NT5DC1: variants seen among roughly 807,000 people sequenced by gnomAD.
NT5DC1 encodes 5'-nucleotidase domain containing 1.
In NT5DC1, 42 loss-of-function variants were observed where a neutral mutation model predicts 59.4. The observed-to-expected ratio is 0.71, with a 90% CI of 0.55 to 0.92. The LOEUF is 0.92. Among genes scored for constraint, NT5DC1 ranks in the 40% least tolerant of loss-of-function variants. The pLI is 0.00. For missense variants in NT5DC1, 501 were observed against 537.1 expected (o/e 0.93, Z 0.66); for synonymous variants, 172 against 188.1 (o/e 0.91, Z 0.70).
rs200158849 is a variant in NT5DC1, at chr6:116,115,750, G to A, written c.424G>A (p.Val142Met). Residue 142 changes from valine (V) to methionine (M), a missense_variant, in exon 5 of 12, where the codon GTG becomes ATG. Coordinates refer to ENST00000319550, the MANE Select transcript of NT5DC1 (RefSeq NM_152729.3). ...DLPGALLCAR[V>M]VDYLTKLNNG... ...GCCAGGAGCTCTTCTGTGTGCCAGG[G>A]TGGTGGACTATTTAACAAAAGTAAG... is the stretch of plus-strand genomic sequence containing the variant. The A allele has an allele frequency of 6.3e-6, 10 of 1,590,528 alleles. No homozygotes were observed. The highest frequency in any genetic ancestry group is 8.6e-6 in the Non-Finnish European group (10 of 1,158,822).
chr6:116,175,840 C>T (rs913320504), intron 6 of NT5DC1, among the ~76,000 whole-genome samples: 1 of 152,154 alleles, frequency 6.6e-6, no homozygotes, highest in Non-Finnish European at 1.5e-5. Context: ...GATCCTTTAA[C>T]AGTTCAATCT....
At chr6:116,104,629 TTTTTGTTTTG>T (rs542849809) in intron 1 of NT5DC1, among the ~76,000 whole-genome samples, 3 of 152,138 alleles carry the variant, frequency 2.0e-5, no homozygotes, top group Non-Finnish European at 4.4e-5. Flanking sequence ...GTTTTCTGTT[TTTTTGTTTTG>T]TTTTGTTTTG....
chr6:116,171,510 C>A (rs1430017658), intron 6 of NT5DC1, among the ~76,000 whole-genome samples: 4 of 152,112 alleles, frequency 2.6e-5, no homozygotes, highest in Non-Finnish European at 5.9e-5. Context: ...CTGGTACTTA[C>A]AAAAGACTTG....
intron 6 of NT5DC1, among the ~76,000 whole-genome samples, chr6:116,177,406 C>T (rs747211479): frequency 6.6e-6 from 1 of 152,154 alleles, no homozygotes; most frequent in Non-Finnish European, 1.5e-5. Context: ...AAACTCACCA[C>T]TCTAAATATT....
chr6:116,223,180 A>G lies in NT5DC1; in HGVS notation c.802+49A>G, dbSNP rs368815813. 6.0e-5 allele frequency: 57 copies of G among 957,064 alleles called. No homozygotes were observed. In the African/African-American group the frequency reaches 8.6e-4, roughly 14 times the overall value. 59.3% of individuals were successfully genotyped at this position (957,064 alleles called of 1,614,324 possible). ...TTTTCCTGTATACAGTTGGCTAACAACCTTGTGCAGAACACTGTGTTGCAT... is the reference window on the plus strand; with the variant it reads ...TTTTCCTGTATACAGTTGGCTAACAGCCTTGTGCAGAACACTGTGTTGCAT... On this transcript the variant is annotated intron_variant, in intron 8 of 11. Coordinates refer to ENST00000319550, the MANE Select transcript of NT5DC1 (RefSeq NM_152729.3).
Position 116,108,376 on chromosome 6 carries a change from G to A in NT5DC1, c.198G>A (p.Leu66=). 6.2e-7 allele frequency: 1 copy of A among 1,602,974 alleles called. No homozygotes were observed. Among genetic ancestry groups the A allele is most frequent in the South Asian group, 1.1e-5 (1 of 90,812 alleles). The change falls in exon 3 of 12, where the codon TTG becomes TTA. Residue 66 remains leucine (L), a synonymous_variant. Coordinates refer to ENST00000319550, the MANE Select transcript of NT5DC1 (RefSeq NM_152729.3). ...PEDWDFCCKG[L]ALDLEDGNFL... Reference sequence around the variant, plus strand: ...TTTCCTATTTCAGTTGCAAAGGTTTGGCATTGGATCTAGAAGATGGGAACT... The same window carrying A: ...TTTCCTATTTCAGTTGCAAAGGTTTAGCATTGGATCTAGAAGATGGGAACT...
intron 8 of NT5DC1, among the ~76,000 whole-genome samples, chr6:116,231,148 T>A (rs868231937): frequency 5.1e-5 from 6 of 116,704 alleles, no homozygotes; most frequent in East Asian, 2.9e-4. Flanking sequence ...GAATGGTAAA[T>A]CCCCCCCCCA....
rs562689401 is a variant in NT5DC1 at position 116,106,274 on chromosome 6, G to C, written c.124G>C (p.Val42Leu). The C allele has an allele frequency of 1.3e-6, 2 of 1,585,682 alleles. No individual in the cohort carries two copies. The highest frequency in any genetic ancestry group is 1.7e-6 in the Non-Finnish European group (2 of 1,156,070). The change falls in exon 2 of 12, where the codon GTT becomes CTT. Residue 42 changes from valine to leucine, a missense_variant. Val to Leu is a conservative substitution (Grantham distance 32). Coordinates refer to ENST00000319550, the MANE Select transcript of NT5DC1 (RefSeq NM_152729.3). ...TTATAATAGCTTTGCCCAGTTCCTA[G>C]TTAAGGAGAAAGGGTACGATAAGGA... is the stretch of plus-strand genomic sequence containing the variant. ...LIYNSFAQFL[V>L]KEKGYDKELL...
intron 6 of NT5DC1, among the ~76,000 whole-genome samples, chr6:116,213,336 C>T (rs1781620242): frequency 1.3e-5 from 2 of 152,078 alleles, no homozygotes; most frequent in Admixed American, 1.3e-4. Flanking sequence ...GCACCTACAA[C>T]ACAAATTCTT....
In NT5DC1 at chr6:116,174,052, A is replaced by G. The variant is rs367935628; in HGVS notation, c.530-47002A>G. Among the ~76,000 whole-genome samples the G allele has an allele frequency of 5.9e-5, 9 of 152,310 alleles. No homozygotes were observed. The East Asian group carries it at 1.7e-3, about 29-fold the overall frequency. On this transcript the variant is annotated intron_variant, in intron 6 of 11. Transcript: ENST00000319550. ...TTTGGCTTTTGTCTGATGGTTTTCC[A>G]TGACTAGACTGCAGTTGTGGTTCAC...
chr6:116,104,742 C>T (rs192293328), intron 1 of NT5DC1, among the ~76,000 whole-genome samples: 9 of 152,184 alleles, frequency 5.9e-5, no homozygotes, highest in African/African-American at 1.7e-4. Context: ...ATCTGTTAGC[C>T]CTGCAGCACT....
intron 6 of NT5DC1, among the ~76,000 whole-genome samples, chr6:116,118,545 T>G (rs930976794): frequency 1.3e-5 from 2 of 150,992 alleles, no homozygotes; most frequent in South Asian, 4.2e-4. Flanking sequence ...AAGAGTAGTA[T>G]TTTTCAGCTT....
Position 116,221,099 on chromosome 6 carries a change from G to A in NT5DC1, c.575G>A (p.Arg192Lys). The change falls in exon 7 of 12, where the codon AGA becomes AAA. Residue 192 changes from arginine (R) to lysine (K), a missense_variant. Arg to Lys is a conservative substitution (Grantham distance 26). Transcript: ENST00000319550. ...CCAGAAATAAAAAGAGATCCAGGCA[G>A]ATATTTACATAGTTGTCCTGAATCT... The part of the protein sequence containing the change: ...YFPEIKRDPG[R>K]YLHSCPESVK... The A allele has an allele frequency of 1.3e-6, 2 of 1,564,400 alleles. No individual in the cohort carries two copies. The highest frequency in any genetic ancestry group is 2.2e-5 in the East Asian group (1 of 44,600).
At chr6:116,153,011 G>C (rs1780087969) in intron 6 of NT5DC1, among the ~76,000 whole-genome samples, 1 of 151,926 alleles carries the variant, frequency 6.6e-6, no homozygotes, top group Admixed American at 6.6e-5. Flanking sequence ...ACCACTAAAT[G>C]GCTGAACTAC....
intron 6 of NT5DC1, among the ~76,000 whole-genome samples, chr6:116,208,463 T>G (rs1199114865): frequency 6.6e-6 from 1 of 152,058 alleles, no homozygotes; most frequent in East Asian, 1.9e-4. Context: ...AGGTTTTACC[T>G]GGAGGCATCT....
At chr6:116,125,738 C>A (rs1253935311) in intron 6 of NT5DC1, 4 of 342,160 alleles carry the variant, frequency 1.2e-5, no homozygotes, top group South Asian at 3.4e-5. Flanking sequence ...AAATGATTTA[C>A]CTAAAGGAAA....
chr6:116,202,724 C>T (rs1184575640), intron 6 of NT5DC1, among the ~76,000 whole-genome samples: 1 of 151,924 alleles, frequency 6.6e-6, no homozygotes, highest in African/African-American at 2.4e-5. Flanking sequence ...TGTACAGTTT[C>T]ATAAATGCAT....
chr6:116,241,944 C>CAAAA (rs1173659223), intron 11 of NT5DC1, among the ~76,000 whole-genome samples: 30 of 34,418 alleles, frequency 8.7e-4, no homozygotes, highest in South Asian at 3.0e-3. Flanking sequence ...AAAAACAAAA[C>CAAAA]AAAAAAAAAA....
intron 6 of NT5DC1, among the ~76,000 whole-genome samples, chr6:116,200,000 G>C (rs953231368): frequency 2.2e-5 from 2 of 90,948 alleles, no homozygotes; most frequent in South Asian, 2.6e-4. Flanking sequence ...TATGGAAAGT[G>C]GGGGGGGAAG....
Sources: allele counts gnomAD v4.1 joint callset (sites outside exome capture counted in the v4.1 genomes callset), GRCh38; gene constraint gnomAD v4.1.1; transcripts MANE v1.5; gene names NCBI Gene and HGNC (gene_info 2026-07-23, HGNC 2026-07-21).